RYR2: variants seen among roughly 807,000 people sequenced by gnomAD.
RYR2 encodes ryanodine receptor 2.
Under a neutral mutation model 601.1 loss-of-function variants are expected in RYR2, and 227 were observed. The observed-to-expected ratio is 0.38, with a 90% CI of 0.34 to 0.42. The LOEUF (loss-of-function observed/expected upper bound fraction) is 0.42. Ranked by LOEUF, RYR2 falls within the 10% of genes least tolerant of loss-of-function variation. RYR2 has a pLI of 1.00. For missense variants in RYR2, 4,646 were observed against 6,156.5 expected (o/e 0.75, Z 8.21); for synonymous variants, 2,223 against 2,175.1 (o/e 1.02, Z -0.61).
At chr1:237,277,531 A>G (rs1258976647) in intron 2 of RYR2, among the ~76,000 whole-genome samples, 2 of 152,238 alleles carry the variant, frequency 1.3e-5, no homozygotes, top group African/African-American at 4.8e-5. Context: ...TGATGAGAGA[A>G]ATCCATAATG....
At chr1:237,297,924 G>GTCTT (rs1454515155) in intron 2 of RYR2, among the ~76,000 whole-genome samples, 1 of 94,960 alleles carries the variant, frequency 1.1e-5, no homozygotes, top group African/African-American at 4.1e-5. Context: ...CTAATTTTTT[G>GTCTT]TATTTTTTTT....
chr1:237,602,142 G>C (rs2148511623), intron 35 of RYR2, 31 bp downstream of exon 35: 1 of 1,540,480 alleles, frequency 6.5e-7, no homozygotes, highest in Admixed American at 1.7e-5. Context: ...TATTGTATTT[G>C]TATTTTTTCT....
chr1:237,451,344 G>A (rs1285735352), intron 14 of RYR2, among the ~76,000 whole-genome samples: 1 of 152,044 alleles, frequency 6.6e-6, no homozygotes, highest in Non-Finnish European at 1.5e-5. Flanking sequence ...GGCTGAAGCC[G>A]GCACATCACT....
chr1:237,215,844 G>T (rs1683098144), intron 1 of RYR2, among the ~76,000 whole-genome samples: 1 of 152,072 alleles, frequency 6.6e-6, no homozygotes, highest in Non-Finnish European at 1.5e-5. Context: ...ATTTTAGTAA[G>T]CCTAGGGACT....
intron 1 of RYR2, among the ~76,000 whole-genome samples, chr1:237,203,829 G>A (rs896220268): frequency 5.9e-5 from 9 of 152,078 alleles, no homozygotes; most frequent in African/African-American, 2.2e-4. Context: ...CTCCTAGAAC[G>A]TTTCCTCTTG....
chr1:237,366,589 A>C (rs1700211272), intron 5 of RYR2, among the ~76,000 whole-genome samples: 1 of 151,948 alleles, frequency 6.6e-6, no homozygotes, highest in African/African-American at 2.4e-5. Context: ...TATTTAAAAA[A>C]CACAGAGCCA....
chr1:237,814,962 TTTC>T (rs1221749143), intron 100 of RYR2, among the ~76,000 whole-genome samples: 1,961 of 108,212 alleles, frequency 0.018, 22 homozygotes, highest in African/African-American at 0.046. Context: ...TTTTTTCTTT[TTTC>T]TTTTTTTTTT....
chr1:237,519,239 C>T (rs983533215), intron 24 of RYR2, among the ~76,000 whole-genome samples: 6 of 152,158 alleles, frequency 3.9e-5, no homozygotes, highest in Non-Finnish European at 7.4e-5. Flanking sequence ...AGTCTCTTCA[C>T]TCTGTTGATT....
chr1:237,394,955 G>A (rs775451136), intron 10 of RYR2, among the ~76,000 whole-genome samples: 3 of 152,154 alleles, frequency 2.0e-5, no homozygotes, highest in African/African-American at 7.2e-5. Flanking sequence ...TGGAGGAGGA[G>A]CAAGAGAGCA....
intron 9 of RYR2, 54 bp from the exon 10 acceptor site, chr1:237,388,033 C>A: frequency 6.8e-7 from 1 of 1,462,348 alleles, no homozygotes; most frequent in Non-Finnish European, 9.5e-7. Context: ...ATCTGTCTGG[C>A]TATCAGCACC....
At chr1:237,153,560 G>A (rs1385156056) in intron 1 of RYR2, among the ~76,000 whole-genome samples, 1 of 151,618 alleles carries the variant, frequency 6.6e-6, no homozygotes, top group African/African-American at 2.4e-5. Context: ...AGCTGGCATG[G>A]AACAGTTATA....
chr1:237,819,555 A>C lies in RYR2; in HGVS notation c.14590+363A>C, dbSNP rs1662207058. Among the ~76,000 whole-genome samples the C allele has an allele frequency of 6.6e-6, 1 of 152,166 alleles. No homozygotes were observed. Among genetic ancestry groups the C allele is most frequent in the Non-Finnish European group, 1.5e-5 (1 of 68,030 alleles). On this transcript the variant is annotated intron_variant, in intron 101 of 104. Transcript: ENST00000366574. The surrounding 1 kb of genome is among the most constrained non-coding windows in gnomAD (Gnocchi z 4.0). ...CTAAGCCAGCTGGGTGCGGTGGCTC[A>C]TGCCTGTAATCCAAGCACTTTGGGA... is the stretch of plus-strand genomic sequence containing the variant.
intron 100 of RYR2, 94 bp downstream of exon 100, chr1:237,809,129 A>G (rs1019188404): frequency 1.7e-6 from 2 of 1,158,654 alleles, no homozygotes; most frequent in East Asian, 4.7e-5. Flanking sequence ...AGTACAAAAT[A>G]GAAAATAGTC....
At chr1:237,641,258 C>G (rs1361460270) in intron 47 of RYR2, among the ~76,000 whole-genome samples, 1 of 152,084 alleles carries the variant, frequency 6.6e-6, no homozygotes, top group Non-Finnish European at 1.5e-5. Context: ...ACTCATACAG[C>G]CTCCCACATT....
At chr1:237,703,502 TA>T (rs1205915094) in intron 66 of RYR2, among the ~76,000 whole-genome samples, 2 of 150,644 alleles carry the variant, frequency 1.3e-5, no homozygotes, top group African/African-American at 4.8e-5. Context: ...TTTTGTTCAT[TA>T]AAATGATTAA....
At chr1:237,373,857 G>C (rs1212213409) in intron 6 of RYR2, among the ~76,000 whole-genome samples, 1 of 152,116 alleles carries the variant, frequency 6.6e-6, no homozygotes, top group Non-Finnish European at 1.5e-5. Context: ...ATTTTTAAAT[G>C]GAAACAAAAC....
intron 98 of RYR2, 104 bp from the exon 99 acceptor site, chr1:237,806,033 T>C (rs977672328): frequency 2.1e-6 from 2 of 963,054 alleles, no homozygotes; most frequent in Non-Finnish European, 3.2e-6. Flanking sequence ...AGTGAGAACA[T>C]GTAGAGTTTA....
chr1:237,287,624 A>G (rs1212648836), intron 2 of RYR2, among the ~76,000 whole-genome samples: 1 of 152,124 alleles, frequency 6.6e-6, no homozygotes, highest in Non-Finnish European at 1.5e-5. Context: ...AGAGCATTTC[A>G]CATTTCTAAA....
At chr1:237,197,414 C>G (rs1025734205) in intron 1 of RYR2, among the ~76,000 whole-genome samples, 3 of 152,128 alleles carry the variant, frequency 2.0e-5, no homozygotes, top group Admixed American at 1.3e-4. Flanking sequence ...TTTCACCGAA[C>G]TTAATTTTCT....
Sources: gnomAD v4.1 joint callset for allele counts (sites outside exome capture counted in the v4.1 genomes callset) on GRCh38, gnomAD v4.1.1 for gene constraint, Gnocchi (gnomAD v3.1) non-coding constraint, MANE v1.5 for transcripts, NCBI Gene and HGNC (gene_info 2026-07-23, HGNC 2026-07-21) for gene names.